UBE2E2: variants seen among roughly 807,000 people sequenced by gnomAD.
UBE2E2 encodes the protein ubiquitin conjugating enzyme E2 E2, also known as ubiquitin-conjugating enzyme E2 E2.
A neutral mutation model predicts 24.7 loss-of-function variants in UBE2E2; 6 were observed. The observed-to-expected ratio is 0.24, with a 90% confidence interval of 0.13 to 0.48. The LOEUF (loss-of-function observed/expected upper bound fraction) is 0.48. Ranked by LOEUF, UBE2E2 falls within the 20% of genes least tolerant of loss-of-function variation. UBE2E2 has a pLI of 0.99. For synonymous variants in UBE2E2, 104 were observed against 83.6 expected, an observed-to-expected ratio of 1.24 and a Z score of -1.33; for missense variants, 169 against 245.0, an observed-to-expected ratio of 0.69 and a Z score of 2.07.
At chr3:23,263,195 G>A (rs956817614) in intron 3 of UBE2E2, among the ~76,000 whole-genome samples, 7 of 152,114 alleles carry the variant, frequency 4.6e-5, no homozygotes, top group African/African-American at 1.7e-4. Context: ...ACTGCTCAAC[G>A]GAATTTTGAC....
chr3:23,360,957 A>G (rs953475783), intron 3 of UBE2E2, among the ~76,000 whole-genome samples: 1 of 152,148 alleles, frequency 6.6e-6, no homozygotes, highest in African/African-American at 2.4e-5. Context: ...AAAATCCAGA[A>G]TCCACAAGGA....
At chr3:23,349,904 G>C (rs959503403) in intron 3 of UBE2E2, among the ~76,000 whole-genome samples, 1 of 152,230 alleles carries the variant, frequency 6.6e-6, no homozygotes, top group Non-Finnish European at 1.5e-5. Flanking sequence ...CAGGCAGCTG[G>C]AGATCTGAGA....
intron 3 of UBE2E2, among the ~76,000 whole-genome samples, chr3:23,320,695 C>T (rs573040262): frequency 7.9e-5 from 12 of 152,308 alleles, no homozygotes; most frequent in South Asian, 2.1e-4. Context: ...GATTGTTCCT[C>T]GGAAGCTGCG....
rs79424216 is a variant in UBE2E2, at chr3:23,495,873, C to A, written c.228-3735C>A. On this transcript the variant is annotated intron_variant, in intron 3 of 5. Transcript: ENST00000396703. ...CCACTGCTTCTCAATATATTCCAAC[C>A]CTTTGCAATAAGCTAGGATAACTGT... Among the ~76,000 whole-genome samples, 855 of 152,208 alleles carry A rather than the reference C, an allele frequency of 5.6e-3. 12 individuals carry two copies. The highest frequency in any genetic ancestry group is 0.02 in the African/African-American group (823 of 41,528).
In UBE2E2 at chr3:23,378,885, GA is replaced by G. The variant is rs551048323; in HGVS notation, c.228-120718del. ...TGGCCTACCTAATTTTTACTTGAGA[GA>G]AAAATAACATTAATACCTATTTTCT... is the stretch of plus-strand genomic sequence containing the variant. On this transcript the variant is annotated intron_variant, in intron 3 of 5. Transcript: ENST00000396703. Among the ~76,000 whole-genome samples the G allele has an allele frequency of 2.5e-3, 378 of 152,132 alleles. 2 individuals are homozygous for G. The highest frequency in any genetic ancestry group is 8.7e-3 in the African/African-American group (362 of 41,508).
At chr3:23,331,275 T>C (rs1219036752) in intron 3 of UBE2E2, among the ~76,000 whole-genome samples, 1 of 152,200 alleles carries the variant, frequency 6.6e-6, no homozygotes, top group Non-Finnish European at 1.5e-5. Context: ...TAAACAGATA[T>C]TTGTTCAGTA....
At position 23,589,121 on chromosome 3, in the gene UBE2E2, C is replaced by G. The variant is rs943062144; in HGVS notation, c.509-613C>G. On this transcript the variant is annotated intron_variant, in intron 5 of 5. Coordinates refer to ENST00000396703, the MANE Select transcript of UBE2E2 (RefSeq NM_152653.4). The surrounding 1 kb of genome is among the most constrained non-coding windows in gnomAD (Gnocchi z 4.1). ...GCCCACAGCCCACCTGCATTTTCTC[C>G]GTGAAATATCTACTTGAAGACAGGC... is the stretch of plus-strand genomic sequence containing the variant. 2.6e-5 allele frequency among the ~76,000 whole-genome samples: 4 copies of G among 151,976 alleles called. No individual in the cohort carries two copies. Among genetic ancestry groups the G allele is most frequent in the African/African-American group, 9.7e-5 (4 of 41,378 alleles).
intron 3 of UBE2E2, among the ~76,000 whole-genome samples, chr3:23,225,575 T>A (rs1421460480): frequency 6.6e-6 from 1 of 152,234 alleles, no homozygotes; most frequent in Non-Finnish European, 1.5e-5. Context: ...CTGAATTGTC[T>A]TGATACCCTT....
At chr3:23,353,938 A>G (rs975686488) in intron 3 of UBE2E2, among the ~76,000 whole-genome samples, 9 of 152,194 alleles carry the variant, frequency 5.9e-5, no homozygotes, top group Admixed American at 3.3e-4. Context: ...AGTCAGTCCT[A>G]AGCCAAAAGA....
At chr3:23,332,143 T>A (rs531782059) in intron 3 of UBE2E2, among the ~76,000 whole-genome samples, 89 of 152,312 alleles carry the variant, frequency 5.8e-4, no homozygotes, top group Non-Finnish European at 1.2e-3. Flanking sequence ...ATTATTTATA[T>A]CTTTCCACTT....
chr3:23,516,640 T>A lies in UBE2E2; in HGVS notation c.361-15914T>A, dbSNP rs541497853. On this transcript the variant is annotated intron_variant, in intron 4 of 5. Transcript: ENST00000396703. ...AGTGAAAGTGTAATAGTTAGAAATT[T>A]GGATGAAAAAATTTATTCTTGTATC... is the stretch of plus-strand genomic sequence containing the variant. Among the ~76,000 whole-genome samples, 20 of 152,324 alleles carry A rather than the reference T, an allele frequency of 1.3e-4. No individual in the cohort carries two copies. The South Asian group carries it at 4.1e-3, about 32-fold the overall frequency.
intron 3 of UBE2E2, among the ~76,000 whole-genome samples, chr3:23,366,735 A>G (rs1696265341): frequency 6.6e-6 from 1 of 152,152 alleles, no homozygotes; most frequent in Admixed American, 6.6e-5. Context: ...TACCTGTATA[A>G]CAAACCTGCA....
intron 5 of UBE2E2, among the ~76,000 whole-genome samples, chr3:23,567,805 A>C (rs1696112236): frequency 6.6e-6 from 1 of 152,250 alleles, no homozygotes; most frequent in South Asian, 2.1e-4. Context: ...CTGCATGGTC[A>C]TCTGTGGTAT....
chr3:23,525,676 C>T (rs960153381), intron 4 of UBE2E2, among the ~76,000 whole-genome samples: 1 of 152,174 alleles, frequency 6.6e-6, no homozygotes, highest in Non-Finnish European at 1.5e-5. Context: ...CAGAACTCAG[C>T]GGGTATTAAC....
chr3:23,301,167 T>C (rs1314453272), intron 3 of UBE2E2, among the ~76,000 whole-genome samples: 2 of 152,232 alleles, frequency 1.3e-5, no homozygotes, highest in African/African-American at 4.8e-5. Flanking sequence ...GCATTAGTTA[T>C]TCTAGTTATC....
intron 3 of UBE2E2, among the ~76,000 whole-genome samples, chr3:23,489,222 A>G (rs980993332): frequency 2.8e-4 from 43 of 152,100 alleles, no homozygotes; most frequent in African/African-American, 9.9e-4. Context: ...TTTATTATAC[A>G]CTTTATTTAT....
intron 3 of UBE2E2, among the ~76,000 whole-genome samples, chr3:23,391,852 T>C (rs1435644151): frequency 2.0e-5 from 3 of 152,084 alleles, no homozygotes; most frequent in Non-Finnish European, 2.9e-5. Flanking sequence ...AGTATATCAA[T>C]AATAAATAGA....
At position 23,221,377 on chromosome 3, in the gene UBE2E2, TCA is replaced by T. The variant is rs1696634782; in HGVS notation, c.227+4068_227+4069del. Among the ~76,000 whole-genome samples, 3 of 152,194 alleles carry T rather than the reference TCA, an allele frequency of 2.0e-5. No individual in the cohort carries two copies. In the South Asian group the frequency reaches 6.2e-4, roughly 32 times the overall value. On this transcript the variant is annotated intron_variant, in intron 3 of 5. Transcript: ENST00000396703. ...GTATAGTCTCGGAGTTTTGTAATCA[TCA>T]CAGTCTGTTTTGCAATATTTTGATA... is the stretch of plus-strand genomic sequence containing the variant.
intron 3 of UBE2E2, among the ~76,000 whole-genome samples, chr3:23,275,956 A>G (rs906896995): frequency 3.9e-5 from 6 of 152,216 alleles, no homozygotes; most frequent in Admixed American, 3.9e-4. Flanking sequence ...TCCAGAGACT[A>G]CGTATCTGAG....
Sources: gnomAD v4.1 joint callset for allele counts (sites outside exome capture counted in the v4.1 genomes callset) on GRCh38, gnomAD v4.1.1 for gene constraint, Gnocchi (gnomAD v3.1) non-coding constraint, MANE v1.5 for transcripts, NCBI Gene and HGNC (gene_info 2026-07-23, HGNC 2026-07-21) for gene names.